Variants in RPS6KA3 observed in about 807,000 individuals in gnomAD.
RPS6KA3 encodes ribosomal protein S6 kinase alpha-3.
In RPS6KA3, 4 loss-of-function variants were observed where a neutral mutation model predicts 67.2. The observed-to-expected ratio is 0.06, with a 90% CI of 0.03 to 0.14. The LOEUF (loss-of-function observed/expected upper bound fraction) is 0.14. RPS6KA3 is among the 10% of genes least tolerant of loss of function. The pLI, the probability that RPS6KA3 is intolerant of heterozygous loss-of-function variation, is 1.00. For missense variants in RPS6KA3, 204 were observed against 559.0 expected (o/e 0.36, Z 6.40); for synonymous variants, 182 against 183.7 (o/e 0.99, Z 0.07).
chrX:20,255,818 A>G, intron 1 of RPS6KA3, among the ~76,000 whole-genome samples: 1 of 86,521 alleles, frequency 1.2e-5, no homozygotes, highest in East Asian at 3.8e-4. Context: ...AAAAAAAAAA[A>G]AGGAATTAGG....
At chrX:20,161,433 AAC>A (rs1181501323) in intron 20 of RPS6KA3, among the ~76,000 whole-genome samples, 1 of 112,173 alleles carries the variant, frequency 8.9e-6, no homozygotes, top group Admixed American at 9.5e-5. Context: ...TTCAGTGAGA[AAC>A]AGTTTTAAAA....
chrX:20,187,986 T>A lies in RPS6KA3; in HGVS notation c.632-16A>T. Reference sequence around the variant, plus strand: ...AGGCCGAAATCTGCCAAAACAAATATCATAAATATCCTACATAAATTTGCA... The same window carrying A: ...AGGCCGAAATCTGCCAAAACAAATAACATAAATATCCTACATAAATTTGCA... On this transcript the variant is annotated splice_polypyrimidine_tract_variant and intron_variant, in intron 8 of 21. Coordinates refer to ENST00000379565, the MANE Select transcript of RPS6KA3 (RefSeq NM_004586.3). 1 of 1,190,378 alleles carries A rather than the reference T, an allele frequency of 8.4e-7. No individual in the cohort carries two copies.
chrX:20,220,607 T>C (rs1261805345), intron 2 of RPS6KA3, among the ~76,000 whole-genome samples: 4 of 112,290 alleles, frequency 3.6e-5, no homozygotes, highest in African/African-American at 1.3e-4. Flanking sequence ...TTTTTAAACA[T>C]GAGCAACCAA....
intron 17 of RPS6KA3, among the ~76,000 whole-genome samples, chrX:20,165,429 A>T (rs1277846209): frequency 8.9e-6 from 1 of 111,825 alleles, no homozygotes; most frequent in Non-Finnish European, 1.9e-5. Context: ...AACAAGACCC[A>T]TGAGATCCTG....
intron 2 of RPS6KA3, among the ~76,000 whole-genome samples, chrX:20,229,108 G>A (rs1158983509): frequency 2.8e-5 from 3 of 109,061 alleles, no homozygotes; most frequent in Non-Finnish European, 5.7e-5. Flanking sequence ...CTCAAACAAA[G>A]TAAGTGCCTT....
chrX:20,263,241 T>A (rs2070282604), intron 1 of RPS6KA3, among the ~76,000 whole-genome samples: 1 of 111,834 alleles, frequency 8.9e-6, no homozygotes, highest in African/African-American at 3.2e-5. Flanking sequence ...GAAAAAAGTA[T>A]CACTCTAGGT....
At chrX:20,226,600 C>T (rs2069127773) in intron 2 of RPS6KA3, among the ~76,000 whole-genome samples, 1 of 112,171 alleles carries the variant, frequency 8.9e-6, no homozygotes, top group African/African-American at 3.2e-5. Context: ...AAATTTCATG[C>T]CTTCTGTGAA....
chrX:20,236,672 G>A (rs1466093355), intron 1 of RPS6KA3, among the ~76,000 whole-genome samples: 1 of 111,644 alleles, frequency 9.0e-6, no homozygotes, highest in East Asian at 2.8e-4. Context: ...CTAGATGAGG[G>A]AATGCCTATA....
At chrX:20,209,438 T>G in intron 2 of RPS6KA3, 34 bp from the exon 3 acceptor site, 1 of 753,476 alleles carries the variant, frequency 1.3e-6, no homozygotes, top group Admixed American at 2.2e-5. Context: ...GCAAACAGGG[T>G]TAGCCAGAGC....
At chrX:20,266,973 C>G (rs2070415803), upstream of RPS6KA3, 1 of 747,855 alleles carries the variant, frequency 1.3e-6, no homozygotes, top group Non-Finnish European at 1.6e-6. Context: ...CGCGCCCGCT[C>G]CCAGCAGAAC....
intron 7 of RPS6KA3, among the ~76,000 whole-genome samples, chrX:20,190,366 C>T (rs759524442): frequency 8.1e-4 from 91 of 111,945 alleles, no homozygotes; most frequent in South Asian, 1.8e-3. Context: ...ATGGTATTTA[C>T]TTGTATAATT....
chrX:20,214,804 T>C (rs1028770093), intron 2 of RPS6KA3, among the ~76,000 whole-genome samples: 6 of 110,238 alleles, frequency 5.4e-5, no homozygotes, highest in South Asian at 7.6e-4. Context: ...GTCATTTTTT[T>C]CTCCTATTTT....
chrX:20,214,581 T>C (rs1293741955), intron 2 of RPS6KA3, among the ~76,000 whole-genome samples: 1 of 111,770 alleles, frequency 8.9e-6, no homozygotes, highest in Non-Finnish European at 1.9e-5. Flanking sequence ...CTTGTGTTTC[T>C]GAAATTCCCC....
At chrX:20,237,767 T>C (rs886530631) in intron 1 of RPS6KA3, among the ~76,000 whole-genome samples, 1 of 111,591 alleles carries the variant, frequency 9.0e-6, no homozygotes, top group East Asian at 2.8e-4. Flanking sequence ...GATCTTGGAA[T>C]TTAAAAAATC....
intron 2 of RPS6KA3, among the ~76,000 whole-genome samples, chrX:20,231,414 C>T (rs1032957572): frequency 9.0e-6 from 1 of 111,559 alleles, no homozygotes; most frequent in East Asian, 2.8e-4. Flanking sequence ...TTCAGAAGTA[C>T]TTGATGAACT....
intron 14 of RPS6KA3, among the ~76,000 whole-genome samples, chrX:20,174,899 C>T (rs899708785): frequency 9.0e-6 from 1 of 110,748 alleles, no homozygotes; most frequent in African/African-American, 3.3e-5. Context: ...ATTACAGGCA[C>T]GTGCCACTAT....
At chrX:20,203,866 A>G in intron 4 of RPS6KA3, 156 bp downstream of exon 4, 2 of 497,589 alleles carry the variant, frequency 4.0e-6, no homozygotes, top group South Asian at 3.0e-5. Flanking sequence ...TTCCTAGCCT[A>G]GCAGGAAAAA....
intron 1 of RPS6KA3, among the ~76,000 whole-genome samples, chrX:20,256,004 G>T (rs1191026919): frequency 3.9e-5 from 4 of 102,931 alleles, no homozygotes; most frequent in Non-Finnish European, 7.9e-5. Flanking sequence ...CAGCTACTCG[G>T]GAGGCTGAGG....
At chrX:20,224,853 A>G (rs2148765585) in intron 2 of RPS6KA3, among the ~76,000 whole-genome samples, 1 of 111,722 alleles carries the variant, frequency 9.0e-6, no homozygotes, top group South Asian at 3.7e-4. Context: ...CAGCAGCACC[A>G]TAGCCCCAGG....
Sources: gnomAD v4.1 joint callset for allele counts (sites outside exome capture counted in the v4.1 genomes callset) on GRCh38, gnomAD v4.1.1 for gene constraint, MANE v1.5 for transcripts, NCBI Gene and HGNC (gene_info 2026-07-23, HGNC 2026-07-21) for gene names.